The following ARHGEF10L variants were observed in gnomAD, a reference collection of about 807,000 sequenced individuals.
ARHGEF10L encodes the protein rho guanine nucleotide exchange factor 10-like protein.
A neutral mutation model predicts 141.2 loss-of-function variants in ARHGEF10L; 69 were observed. That is an observed-to-expected ratio of 0.49 (90% CI 0.40 to 0.60). ARHGEF10L has a LOEUF of 0.60. Among genes scored for constraint, ARHGEF10L ranks in the 20% least tolerant of loss-of-function variants. ARHGEF10L has a pLI of 0.00. For synonymous variants in ARHGEF10L, 711 were observed against 718.5 expected (o/e 0.99, Z 0.17); for missense variants, 1,482 against 1,734.3 (o/e 0.85, Z 2.58).
intron 3 of ARHGEF10L, 41 bp downstream of exon 3, chr1:17,587,686 G>A: frequency 1.9e-6 from 3 of 1,565,208 alleles, no homozygotes; most frequent in Non-Finnish European, 2.6e-6. Context: ...GGGCTACAGG[G>A]AGCATGGAGA....
At chr1:17,609,244 C>G (rs1366297585) in intron 7 of ARHGEF10L, among the ~76,000 whole-genome samples, 1 of 152,220 alleles carries the variant, frequency 6.6e-6, no homozygotes, top group African/African-American at 2.4e-5. Flanking sequence ...GGAGGAACAC[C>G]CACACCTGAG....
chr1:17,602,631 T>C (rs966134043), intron 5 of ARHGEF10L, among the ~76,000 whole-genome samples: 1 of 151,974 alleles, frequency 6.6e-6, no homozygotes, highest in South Asian at 2.1e-4. Context: ...TACAAGGGCC[T>C]GAGGGCAGGA....
chr1:17,686,925 T>G (rs1558035516), intron 26 of ARHGEF10L, among the ~76,000 whole-genome samples: 2 of 152,318 alleles, frequency 1.3e-5, no homozygotes, highest in East Asian at 3.9e-4. Flanking sequence ...TCCTGCTTTT[T>G]GGAAGAGAAT....
intron 27 of ARHGEF10L, among the ~76,000 whole-genome samples, chr1:17,693,661 A>G (rs552754309): frequency 1.4e-3 from 215 of 152,252 alleles, no homozygotes; most frequent in Non-Finnish European, 2.3e-3. Flanking sequence ...TGCCTGGAAA[A>G]TGGGGCCGGC....
intron 1 of ARHGEF10L, among the ~76,000 whole-genome samples, chr1:17,541,847 G>T (rs1292992736): frequency 6.6e-6 from 1 of 152,140 alleles, no homozygotes; most frequent in Non-Finnish European, 1.5e-5. Context: ...CATGCCTGTA[G>T]TCCCAGCTAC....
In ARHGEF10L at chr1:17,552,043, C is replaced by T. The variant is rs544435149; in HGVS notation, c.-44+12093C>T. Reference sequence around the variant, plus strand: ...GGGCTGGGGCTTTCCCAGAGCTGCACGGGTTATTTAAGCAGTTTCCTGGGC... The same window carrying T: ...GGGCTGGGGCTTTCCCAGAGCTGCATGGGTTATTTAAGCAGTTTCCTGGGC... On this transcript the variant is annotated intron_variant, in intron 1 of 28. Transcript: ENST00000361221. 8.5e-5 allele frequency among the ~76,000 whole-genome samples: 13 copies of T among 152,248 alleles called. No homozygotes were observed. In the East Asian group the frequency reaches 2.1e-3, roughly 25 times the overall value.
chr1:17,695,350 G>A, intron 28 of ARHGEF10L, 70 bp downstream of exon 28: 1 of 1,524,006 alleles, frequency 6.6e-7, no homozygotes, highest in Non-Finnish European at 8.8e-7. Context: ...GGCTTGGCGG[G>A]GAGGGTGTAT....
rs574989546 is a variant in ARHGEF10L, at chr1:17,591,612, A to G, written c.257+3133A>G. Among the ~76,000 whole-genome samples, 4 of 152,164 alleles carry G rather than the reference A, an allele frequency of 2.6e-5. No individual in the cohort carries two copies. The South Asian group carries it at 8.3e-4, about 32-fold the overall frequency. On this transcript the variant is annotated intron_variant, in intron 4 of 28. Transcript: ENST00000361221. ...TTTTTAGTAGAGATGGGGTTTCATC[A>G]TGTTGGCCAGGCTGGTCTTGAGCTC...
chr1:17,629,622 G>T (rs2060570097), intron 15 of ARHGEF10L, among the ~76,000 whole-genome samples: 1 of 152,170 alleles, frequency 6.6e-6, no homozygotes, highest in Admixed American at 6.5e-5. Flanking sequence ...CTCTCCTGGG[G>T]ATGTCCCCAT....
the ARHGEF10L span, among the ~76,000 whole-genome samples, chr1:17,526,234 G>A: frequency 6.6e-6 from 1 of 152,246 alleles, no homozygotes; most frequent in East Asian, 1.9e-4. Context: ...AGGAATGCAG[G>A]GGAGGTTCTT....
chr1:17,554,043 G>A (rs1207685374), intron 1 of ARHGEF10L, among the ~76,000 whole-genome samples: 3 of 152,202 alleles, frequency 2.0e-5, no homozygotes, highest in African/African-American at 7.2e-5. Flanking sequence ...GAAGTGCAGA[G>A]GATACGTTTG....
chr1:17,544,269 T>C (rs2076836849), intron 1 of ARHGEF10L, among the ~76,000 whole-genome samples: 1 of 149,664 alleles, frequency 6.7e-6, no homozygotes, highest in South Asian at 2.1e-4. Context: ...TTTATACATA[T>C]ATATGTGTGT....
rs2059797889 is a variant in ARHGEF10L at position 17,616,205 on chromosome 1, G to A, written c.835+3G>A. On this transcript the variant is annotated splice_donor_region_variant and intron_variant, in intron 9 of 28. Transcript: ENST00000361221. Reference sequence around the variant, plus strand: ...CCTGCACAGGAAGGACGTCCTCGGTGAGGCGCTGCCCGAGCGGGAGGGTCT... The same window carrying A: ...CCTGCACAGGAAGGACGTCCTCGGTAAGGCGCTGCCCGAGCGGGAGGGTCT... The A allele has an allele frequency of 6.2e-7, 1 of 1,611,306 alleles. No homozygotes were observed. The highest frequency in any genetic ancestry group is 1.1e-5 in the South Asian group (1 of 91,026).
At position 17,603,685 on chromosome 1, in the gene ARHGEF10L, C is replaced by T; in HGVS notation, c.433+94C>T. 1 of 1,153,408 alleles carries T rather than the reference C, an allele frequency of 8.7e-7. No homozygotes were observed. The highest frequency in any genetic ancestry group is 2.6e-5 in the Admixed American group (1 of 38,316). The allele number at this position is 1,153,408 out of a possible 1,614,324, so 71.4% of individuals were successfully genotyped here. ...TGTCTCTTTCCGTTTCCTTCTGTCC[C>T]CACCTGGCCAAGTGCCCCTCCTTCT... On this transcript the variant is annotated intron_variant, in intron 6 of 28. Coordinates refer to ENST00000361221, the MANE Select transcript of ARHGEF10L (RefSeq NM_018125.4). The surrounding 1 kb of genome is among the most constrained non-coding windows in gnomAD (Gnocchi z 4.8).
Position 17,618,185 on chromosome 1 carries a change from C to T in ARHGEF10L, c.836-1154C>T, listed in dbSNP as rs578096017. The T allele has an allele frequency of 4.4e-4, 328 of 747,302 alleles. 4 individuals are homozygous for T. In the South Asian group the frequency reaches 6.4e-3, roughly 15 times the overall value. The allele number at this position is 747,302 out of a possible 1,614,324, so 46.3% of individuals were successfully genotyped here. A position where few individuals can be genotyped will look rare whatever the true frequency, so the allele number is the denominator to read the frequency against. ...TGGTCCGAAGACAGGATAACGTGGC[C>T]AGGCCAGCTGGCTGGGAACTCTTCC... On this transcript the variant is annotated intron_variant, in intron 9 of 28. Transcript: ENST00000361221.
Position 17,639,945 on chromosome 1 carries a change from G to C in ARHGEF10L, c.2172-257G>C. 1 of 1,484,052 alleles carries C rather than the reference G, an allele frequency of 6.7e-7. No individual in the cohort carries two copies. 91.9% of individuals were successfully genotyped at this position (1,484,052 alleles called of 1,614,324 possible). ...GGGCACAAAGCCAGAGGCTCCTGGA[G>C]CCAGGCTGGGGAGCGTGGCTCAGCC... is the stretch of plus-strand genomic sequence containing the variant. On this transcript the variant is annotated intron_variant, in intron 20 of 28. Transcript: ENST00000361221. This position sits in a 1 kb window ranked among gnomAD's most constrained non-coding sequence, Gnocchi z 4.3.
intron 7 of ARHGEF10L, among the ~76,000 whole-genome samples, chr1:17,610,084 C>T (rs2059466191): frequency 6.6e-6 from 1 of 152,210 alleles, no homozygotes; most frequent in South Asian, 2.1e-4. Context: ...GCGTGTCTCT[C>T]AGAGGGAAGG....
intron 26 of ARHGEF10L, among the ~76,000 whole-genome samples, chr1:17,669,411 A>G (rs934724357): frequency 1.3e-5 from 2 of 152,190 alleles, no homozygotes; most frequent in Non-Finnish European, 2.9e-5. Flanking sequence ...ATAGGATCTC[A>G]TTTAATCCTC....
upstream of ARHGEF10L, among the ~76,000 whole-genome samples, chr1:17,536,320 A>T (rs1312726791): frequency 6.6e-6 from 1 of 152,146 alleles, no homozygotes; most frequent in Non-Finnish European, 1.5e-5. Context: ...TCTCTACAAA[A>T]AAATACAAAA....
Sources: allele counts gnomAD v4.1 joint callset (sites outside exome capture counted in the v4.1 genomes callset), GRCh38; gene constraint gnomAD v4.1.1; non-coding constraint Gnocchi (gnomAD v3.1); transcripts MANE v1.5; gene names NCBI Gene and HGNC (gene_info 2026-07-23, HGNC 2026-07-21).